The following SLCO3A1 variants were observed in gnomAD, a reference collection of about 807,000 sequenced individuals.
SLCO3A1 encodes the protein PGE1 transporter.
SLCO3A1 carries 27 observed loss-of-function variants against 63.1 expected under a neutral mutation model. That is an observed-to-expected ratio of 0.43 (90% CI 0.32 to 0.59). SLCO3A1 has a LOEUF of 0.59. SLCO3A1 is among the 20% of genes least tolerant of loss of function. SLCO3A1 has a pLI of 0.09. For synonymous variants in SLCO3A1, 473 were observed against 409.9 expected (o/e 1.15, Z -1.86); for missense variants, 773 against 945.8 (o/e 0.82, Z 2.40).
intron 1 of SLCO3A1, chr15:91,889,226 C>T: frequency 8.3e-7 from 1 of 1,201,396 alleles, no homozygotes; most frequent in Non-Finnish European, 1.1e-6. Context: ...AAATTGTTGC[C>T]AGGAAAGGAC....
chr15:91,980,592 C>G (rs2045972913), intron 2 of SLCO3A1, among the ~76,000 whole-genome samples: 1 of 152,024 alleles, frequency 6.6e-6, no homozygotes, highest in African/African-American at 2.4e-5. Context: ...CTATAAATCC[C>G]TTTTACTCCA....
intron 1 of SLCO3A1, 132 bp from the exon 2 acceptor site, chr15:91,915,861 T>G: frequency 1.4e-6 from 1 of 726,676 alleles, no homozygotes; most frequent in Non-Finnish European, 2.4e-6. Context: ...CAGCTGCCTT[T>G]TTGCACCTGG....
intron 2 of SLCO3A1, among the ~76,000 whole-genome samples, chr15:92,050,983 G>A (rs942488934): frequency 2.0e-5 from 3 of 152,148 alleles, no homozygotes; most frequent in Non-Finnish European, 4.4e-5. Flanking sequence ...TCAGGCCCCA[G>A]CCCAAATCCA....
intron 1 of SLCO3A1, among the ~76,000 whole-genome samples, chr15:91,915,382 A>G (rs955572648): frequency 1.3e-5 from 2 of 152,200 alleles, no homozygotes; most frequent in African/African-American, 4.8e-5. Flanking sequence ...TAGAACAGTC[A>G]GGGGTGTATT....
At chr15:91,867,920 C>T (rs560835910) in intron 1 of SLCO3A1, among the ~76,000 whole-genome samples, 97 of 152,348 alleles carry the variant, frequency 6.4e-4, no homozygotes, top group Non-Finnish European at 1.2e-3. Context: ...GCTGTTGCTC[C>T]AAGCCTGTGG....
intron 8 of SLCO3A1, among the ~76,000 whole-genome samples, chr15:92,150,675 A>G (rs1219159889): frequency 1.3e-5 from 2 of 152,130 alleles, no homozygotes; most frequent in East Asian, 3.9e-4. Flanking sequence ...TTTATGACCA[A>G]ATTTGCATTC....
rs77747699 is a variant in SLCO3A1 at position 92,104,403 on chromosome 15, C to T, written c.870C>T (p.Pro290=). ...TGTTTGGGTTTCCACAGTCCCTGCCCCCGCACTCAGAGCCCGCCATGGAAA... is the reference window on the plus strand; with the variant it reads ...TGTTTGGGTTTCCACAGTCCCTGCCTCCGCACTCAGAGCCCGCCATGGAAA... ...LLMFGFPQSL[P]PHSEPAMESE... Residue 290 remains proline (P), a synonymous_variant, in exon 4 of 10, where the codon CCC becomes CCT. Transcript: ENST00000318445. The T allele has an allele frequency of 7.6e-4, 1,229 of 1,614,190 alleles. 20 individuals carry two copies. The South Asian group carries it at 0.011, about 14-fold the overall frequency.
At chr15:92,115,369 A>C (rs1225321505) in intron 4 of SLCO3A1, among the ~76,000 whole-genome samples, 1 of 152,072 alleles carries the variant, frequency 6.6e-6, no homozygotes. Context: ...TAGCTCACCA[A>C]GCAGCGCACA....
At chr15:92,020,089 C>T (rs1354440591) in intron 2 of SLCO3A1, among the ~76,000 whole-genome samples, 1 of 152,154 alleles carries the variant, frequency 6.6e-6, no homozygotes, top group Non-Finnish European at 1.5e-5. Context: ...TGGGGACAGA[C>T]TTTTTTCAGT....
At chr15:91,898,784 T>G (rs1347402730) in intron 1 of SLCO3A1, among the ~76,000 whole-genome samples, 3 of 152,154 alleles carry the variant, frequency 2.0e-5, no homozygotes, top group African/African-American at 7.2e-5. Context: ...TATGAATATA[T>G]AGAGAGATTT....
chr15:91,986,953 G>A (rs903422326), intron 2 of SLCO3A1, among the ~76,000 whole-genome samples: 20 of 152,162 alleles, frequency 1.3e-4, no homozygotes, highest in African/African-American at 1.9e-4. Context: ...TCAAGAGAGA[G>A]GAAGGTTGGT....
chr15:92,035,353 G>T (rs536231446), intron 2 of SLCO3A1, among the ~76,000 whole-genome samples: 5 of 151,804 alleles, frequency 3.3e-5, no homozygotes, highest in Non-Finnish European at 1.5e-5. Flanking sequence ...TCCAAACTGT[G>T]TTTGCTGAAA....
chr15:92,036,821 A>T (rs2151484227), intron 2 of SLCO3A1, among the ~76,000 whole-genome samples: 1 of 152,230 alleles, frequency 6.6e-6, no homozygotes, highest in South Asian at 2.1e-4. Flanking sequence ...TTTTCCTTCA[A>T]CAGACCATTA....
At chr15:92,074,701 C>A (rs1266439415) in intron 2 of SLCO3A1, among the ~76,000 whole-genome samples, 1 of 152,090 alleles carries the variant, frequency 6.6e-6, no homozygotes, top group Non-Finnish European at 1.5e-5. Flanking sequence ...AAGCCATCTT[C>A]CAGGACAGAG....
chr15:92,016,775 T>A (rs1343664389), intron 2 of SLCO3A1, among the ~76,000 whole-genome samples: 2 of 151,306 alleles, frequency 1.3e-5, no homozygotes, highest in African/African-American at 4.9e-5. Context: ...GTCACAGTCA[T>A]AAAAGGAGGA....
chr15:91,987,700 C>T (rs369614776), intron 2 of SLCO3A1, among the ~76,000 whole-genome samples: 12 of 150,032 alleles, frequency 8.0e-5, no homozygotes, highest in South Asian at 2.1e-4. Context: ...GCTGAGATGG[C>T]GCCACTGCAC....
At position 91,886,321 on chromosome 15, in the gene SLCO3A1, TTC is replaced by T. The variant is rs1489248434; in HGVS notation, c.181-29668_181-29667del. On this transcript the variant is annotated intron_variant, in intron 1 of 9. Coordinates refer to ENST00000318445, the MANE Select transcript of SLCO3A1 (RefSeq NM_013272.4). The surrounding 1 kb of genome is among the most constrained non-coding windows in gnomAD (Gnocchi z 4.9). ...TGACAACAGCGCTTGTCTCTCATGC[TTC>T]TCTTTTAATTGAGATTTCCTTCAAG... 1.1e-4 allele frequency among the ~76,000 whole-genome samples: 16 copies of T among 152,342 alleles called. No homozygotes were observed. The highest frequency in any genetic ancestry group is 3.4e-3 in the Middle Eastern group (1 of 294).
intron 2 of SLCO3A1, among the ~76,000 whole-genome samples, chr15:91,962,742 C>CT (rs1168534375): frequency 2.0e-5 from 3 of 152,104 alleles, no homozygotes; most frequent in Non-Finnish European, 4.4e-5. Flanking sequence ...ACACCAGATG[C>CT]TTTGTTCCTG....
intron 2 of SLCO3A1, among the ~76,000 whole-genome samples, chr15:92,008,085 A>G (rs1358949557): frequency 2.0e-5 from 3 of 152,220 alleles, no homozygotes; most frequent in Admixed American, 1.3e-4. Context: ...CATTGCTTGA[A>G]TGAACTTGAG....
Sources: gnomAD v4.1 joint callset for allele counts (sites outside exome capture counted in the v4.1 genomes callset) on GRCh38, gnomAD v4.1.1 for gene constraint, Gnocchi (gnomAD v3.1) non-coding constraint, MANE v1.5 for transcripts, NCBI Gene and HGNC (gene_info 2026-07-23, HGNC 2026-07-21) for gene names.